The following ZFP91 variants were observed in gnomAD, a reference collection of about 807,000 sequenced individuals.
ZFP91 encodes ZFP91 zinc finger protein, atypical E3 ubiquitin ligase, also known as E3 ubiquitin-protein ligase ZFP91.
In ZFP91, 7 loss-of-function variants were observed where a neutral mutation model predicts 63.5. The observed-to-expected ratio is 0.11, with a 90% confidence interval of 0.06 to 0.21. The LOEUF (loss-of-function observed/expected upper bound fraction) is 0.21. ZFP91 is among the 10% of genes least tolerant of loss of function. ZFP91 has a pLI of 1.00. For synonymous variants in ZFP91, 330 were observed against 272.1 expected, an observed-to-expected ratio of 1.21 and a Z score of -2.10; for missense variants, 628 against 736.6, an observed-to-expected ratio of 0.85 and a Z score of 1.71.
In ZFP91 at chr11:58,616,703, A is replaced by G. The variant is rs1855754318; in HGVS notation, c.1103-13A>G. On this transcript the variant is annotated splice_polypyrimidine_tract_variant and intron_variant, in intron 9 of 10. Coordinates refer to ENST00000316059, the MANE Select transcript of ZFP91 (RefSeq NM_053023.5). ...ATCTAAATAGAACACTAACCACAGT[A>G]TTTTCTTCATAGATCAAAGGGATTA... 19 of 1,610,644 alleles carry G rather than the reference A, an allele frequency of 1.2e-5. No homozygotes were observed. Among genetic ancestry groups the G allele is most frequent in the Middle Eastern group, 1.7e-4 (1 of 6,036 alleles).
At chr11:58,607,563 GGTT>G (rs1301153231) in intron 2 of ZFP91, among the ~76,000 whole-genome samples, 1 of 151,848 alleles carries the variant, frequency 6.6e-6, no homozygotes, top group Non-Finnish European at 1.5e-5. Context: ...TGATTTTGAT[GGTT>G]GTTTAGAACT....
At chr11:58,603,040 G>A (rs1470307807) in intron 2 of ZFP91, among the ~76,000 whole-genome samples, 1 of 152,184 alleles carries the variant, frequency 6.6e-6, no homozygotes, top group Non-Finnish European at 1.5e-5. Context: ...ACAGAAATAT[G>A]AGTGTTAAAG....
At chr11:58,592,403 T>C (rs1401695663) in intron 2 of ZFP91, among the ~76,000 whole-genome samples, 1 of 152,100 alleles carries the variant, frequency 6.6e-6, no homozygotes, top group African/African-American at 2.4e-5. Context: ...TCCTTTTCTT[T>C]ATCCACTTCA....
intron 2 of ZFP91, among the ~76,000 whole-genome samples, chr11:58,607,920 A>T (rs560364418): frequency 3.0e-4 from 45 of 152,222 alleles, no homozygotes; most frequent in African/African-American, 1.1e-3. Flanking sequence ...TAAACATAAT[A>T]CAGTTAACCT....
chr11:58,592,151 C>T (rs1487655034), intron 2 of ZFP91, among the ~76,000 whole-genome samples: 3 of 137,770 alleles, frequency 2.2e-5, no homozygotes, highest in Non-Finnish European at 3.0e-5. Context: ...GACGTGATAT[C>T]GGCTCACTGC....
At chr11:58,616,368 A>G (rs998010116) in intron 9 of ZFP91, among the ~76,000 whole-genome samples, 1 of 152,078 alleles carries the variant, frequency 6.6e-6, no homozygotes, top group Non-Finnish European at 1.5e-5. Flanking sequence ...TTTACTCCTT[A>G]AAGGAGTAAA....
At chr11:58,593,031 C>A (rs756250921) in intron 2 of ZFP91, among the ~76,000 whole-genome samples, 32 of 152,132 alleles carry the variant, frequency 2.1e-4, no homozygotes, top group Non-Finnish European at 8.8e-5. Flanking sequence ...TCACCTATTA[C>A]CACAGGGATG....
chr11:58,579,171 TGA>T lies in ZFP91; in HGVS notation c.-107_-106del, dbSNP rs1313327839. ...GGAGGGGGGAAAGAGGAGCGCAGGG[TGA>T]GAGTGAGCCGCAGGCTTCGGGAGGC... On this transcript the variant is annotated 5_prime_UTR_variant, in exon 1 of 11. Transcript: ENST00000316059. The T allele has an allele frequency of 2.6e-6, 2 of 759,508 alleles. No homozygotes were observed. Among genetic ancestry groups the T allele is most frequent in the South Asian group, 2.6e-5 (1 of 37,878 alleles). The allele number at this position is 759,508 out of a possible 1,614,324, so 47.0% of individuals were successfully genotyped here. A position where few individuals can be genotyped will look rare whatever the true frequency, so the allele number is the denominator to read the frequency against.
intron 9 of ZFP91, among the ~76,000 whole-genome samples, chr11:58,615,427 C>T (rs1855733998): frequency 1.3e-5 from 2 of 152,082 alleles, no homozygotes; most frequent in Non-Finnish European, 2.9e-5. Flanking sequence ...ATATCAAAAG[C>T]GTATGAAAAA....
At chr11:58,610,163 C>G in intron 3 of ZFP91, 124 bp downstream of exon 3, 1 of 1,412,072 alleles carries the variant, frequency 7.1e-7, no homozygotes, top group South Asian at 1.2e-5. Context: ...GGTGGTATTT[C>G]TTTGAACAGT....
chr11:58,585,806 A>C (rs565200163), intron 2 of ZFP91, among the ~76,000 whole-genome samples: 25 of 152,216 alleles, frequency 1.6e-4, no homozygotes, highest in Non-Finnish European at 3.5e-4. Context: ...GTATAAGGCA[A>C]GTTTAAAGCC....
chr11:58,596,141 GA>G (rs1855397732), intron 2 of ZFP91, among the ~76,000 whole-genome samples: 1 of 152,104 alleles, frequency 6.6e-6, no homozygotes, highest in South Asian at 2.1e-4. Context: ...ATAATCTGGA[GA>G]GAAGAAAATT....
intron 2 of ZFP91, among the ~76,000 whole-genome samples, chr11:58,590,217 T>G (rs1344438733): frequency 2.0e-5 from 3 of 152,340 alleles, no homozygotes; most frequent in East Asian, 1.9e-4. Context: ...GATAAGAATC[T>G]GTGACAAAAA....
rs578099945 is a variant in ZFP91, at chr11:58,620,735, A to G, written c.*3029A>G. On this transcript the variant is annotated 3_prime_UTR_variant, in exon 11 of 11. Transcript: ENST00000316059. ...TTATTATAGTCTGGTTGTTTGAAAT[A>G]CCATTTTTTTCTCCTTTTGTGTTTT... The G allele has an allele frequency of 3.1e-4, 47 of 152,738 alleles. No individual in the cohort carries two copies. The highest frequency in any genetic ancestry group is 1.1e-3 in the African/African-American group (44 of 41,574). The allele number at this position is 152,738 out of a possible 1,614,324, so 9.5% of individuals were successfully genotyped here. A position where few individuals can be genotyped will look rare whatever the true frequency, so the allele number is the denominator to read the frequency against.
chr11:58,612,218 G>C, intron 6 of ZFP91, 60 bp from the exon 7 acceptor site: 2 of 1,551,362 alleles, frequency 1.3e-6, no homozygotes, highest in Non-Finnish European at 1.8e-6. Context: ...TCTTCAGCCA[G>C]CCTTCACTGT....
At chr11:58,579,667 C>T (rs749198512) in intron 1 of ZFP91, 45 bp downstream of exon 1, 35 of 1,475,198 alleles carry the variant, frequency 2.4e-5, no homozygotes, top group Middle Eastern at 2.1e-4. Flanking sequence ...CCCCTCTGTC[C>T]GTACGCAACC....
At chr11:58,613,307 C>T (rs964578937) in intron 8 of ZFP91, among the ~76,000 whole-genome samples, 1 of 152,122 alleles carries the variant, frequency 6.6e-6, no homozygotes, top group Non-Finnish European at 1.5e-5. Flanking sequence ...ATGGGTTGAA[C>T]TTGCTTTTGT....
chr11:58,587,335 G>T (rs1385759670), intron 2 of ZFP91, among the ~76,000 whole-genome samples: 1 of 152,120 alleles, frequency 6.6e-6, no homozygotes, highest in Non-Finnish European at 1.5e-5. Flanking sequence ...AATAAATGAA[G>T]AAGTCAAAAC....
chr11:58,603,504 C>T (rs1373977050), intron 2 of ZFP91, among the ~76,000 whole-genome samples: 4 of 152,142 alleles, frequency 2.6e-5, no homozygotes, highest in African/African-American at 4.8e-5. Flanking sequence ...TTGGTGGCTT[C>T]GACCCCCTGA....
Sources: allele counts gnomAD v4.1 joint callset (sites outside exome capture counted in the v4.1 genomes callset), GRCh38; gene constraint gnomAD v4.1.1; transcripts MANE v1.5; gene names NCBI Gene and HGNC (gene_info 2026-07-23, HGNC 2026-07-21).